Variants in CCNY observed in about 807,000 individuals in gnomAD.
The protein encoded by CCNY is cyclin Y.
In CCNY, 19 loss-of-function variants were observed where a neutral mutation model predicts 42.8. That is an observed-to-expected ratio of 0.44 (90% CI 0.31 to 0.65). CCNY has a LOEUF of 0.65. Among genes scored for constraint, CCNY ranks in the 30% least tolerant of loss-of-function variants. The pLI is 0.07. For synonymous variants in CCNY, 165 were observed against 162.7 expected (o/e 1.01, Z -0.11); for missense variants, 370 against 437.3 (o/e 0.85, Z 1.37).
At chr10:35,391,859 T>C (rs940884807) in intron 1 of CCNY, among the ~76,000 whole-genome samples, 3 of 152,192 alleles carry the variant, frequency 2.0e-5, no homozygotes, top group African/African-American at 7.2e-5. Context: ...ACCGTTCCTC[T>C]TCTTCCCTCT....
At chr10:35,565,299 C>T (rs1841547031) in intron 8 of CCNY, among the ~76,000 whole-genome samples, 1 of 152,138 alleles carries the variant, frequency 6.6e-6, no homozygotes, top group Admixed American at 6.5e-5. Context: ...AGAGCCTCAG[C>T]CTCACCATCA....
At chr10:35,561,909 G>A (rs1320321331) in intron 8 of CCNY, among the ~76,000 whole-genome samples, 1 of 152,254 alleles carries the variant, frequency 6.6e-6, no homozygotes, top group Non-Finnish European at 1.5e-5. Context: ...ACCAGCACCA[G>A]TCAGATGTTA....
intron 3 of CCNY, among the ~76,000 whole-genome samples, chr10:35,274,210 A>C (rs537488474): frequency 2.9e-4 from 44 of 152,306 alleles, no homozygotes; most frequent in Non-Finnish European, 2.9e-5. Flanking sequence ...ATGAGAACCA[A>C]GTGAAAGGGG....
At chr10:35,500,420 C>T (rs1280227190) in intron 2 of CCNY, among the ~76,000 whole-genome samples, 1 of 152,208 alleles carries the variant, frequency 6.6e-6, no homozygotes, top group Non-Finnish European at 1.5e-5. Context: ...GATAGAAAAA[C>T]AGTTCCATAG....
At position 35,337,003 on chromosome 10, in the gene CCNY, C is replaced by G; in HGVS notation, c.-51C>G. 7.4e-7 allele frequency: 1 copy of G among 1,360,484 alleles called. No individual in the cohort carries two copies. Among genetic ancestry groups the G allele is most frequent in the South Asian group, 1.9e-5 (1 of 52,916 alleles). 84.3% of individuals were successfully genotyped at this position (1,360,484 alleles called of 1,614,324 possible). A position where few individuals can be genotyped will look rare whatever the true frequency, so the allele number is the denominator to read the frequency against. On this transcript the variant is annotated 5_prime_UTR_variant, in exon 1 of 10. Transcript: ENST00000374704. The stretch of plus-strand genomic sequence containing the variant: ...GCCCCGCGTCCACCCGCGCCCCGCT[C>G]CCGGGGACTGGGAGAACAGGATAGC...
rs1159188784 is a variant in CCNY at position 35,419,942 on chromosome 10, T to G, written c.155-63462T>G. On this transcript the variant is annotated intron_variant, in intron 1 of 9. Transcript: ENST00000374704. Reference sequence around the variant, plus strand: ...GCTGTAATTTTTTTTTTTTTTTTTTTTAGTACAGTTCAAAATAAATGGTGC... The same window carrying G: ...GCTGTAATTTTTTTTTTTTTTTTTTGTAGTACAGTTCAAAATAAATGGTGC... Among the ~76,000 whole-genome samples the G allele has an allele frequency of 1.1e-4, 16 of 150,288 alleles. No individual in the cohort carries two copies. The East Asian group carries it at 3.1e-3, about 29-fold the overall frequency.
intron 2 of CCNY, among the ~76,000 whole-genome samples, chr10:35,499,298 CAGAGA>C (rs1364330184): frequency 6.6e-6 from 1 of 152,150 alleles, no homozygotes; most frequent in Non-Finnish European, 1.5e-5. Flanking sequence ...CACATCGCGG[CAGAGA>C]AGAGAAGAGG....
intron 1 of CCNY, among the ~76,000 whole-genome samples, chr10:35,480,054 C>A (rs1461681182): frequency 6.6e-6 from 1 of 151,932 alleles, no homozygotes; most frequent in Non-Finnish European, 1.5e-5. Context: ...ATTGTAATTA[C>A]CATAGTTTTC....
At chr10:35,544,604 G>A (rs1386748914) in intron 7 of CCNY, among the ~76,000 whole-genome samples, 1 of 152,204 alleles carries the variant, frequency 6.6e-6, no homozygotes, top group African/African-American at 2.4e-5. Flanking sequence ...ATTAGAGACA[G>A]CACCCAAGGT....
rs549910932 is a variant in CCNY at position 35,516,511 on chromosome 10, G to C, written c.265-12G>C. 1.3e-6 allele frequency: 2 copies of C among 1,594,006 alleles called. No individual in the cohort carries two copies. The highest frequency in any genetic ancestry group is 1.7e-6 in the Non-Finnish European group (2 of 1,162,112). On this transcript the variant is annotated splice_polypyrimidine_tract_variant and intron_variant, in intron 3 of 9. Transcript: ENST00000374704. ...GTGTAATTGCCTTAATCTTCTTGCT[G>C]TTGTTTTCTAGCATCCTCCAGGACA... is the stretch of plus-strand genomic sequence containing the variant.
intron 2 of CCNY, among the ~76,000 whole-genome samples, chr10:35,485,790 CATG>C (rs1168249185): frequency 2.0e-5 from 3 of 150,362 alleles, no homozygotes; most frequent in Non-Finnish European, 4.4e-5. Context: ...TCTTTAGTGA[CATG>C]ATAATCAGAG....
At chr10:35,427,063 A>T (rs943233862) in intron 1 of CCNY, among the ~76,000 whole-genome samples, 1 of 152,250 alleles carries the variant, frequency 6.6e-6, no homozygotes, top group African/African-American at 2.4e-5. Context: ...AGGAGAACTG[A>T]AATCCTTTTA....
chr10:35,261,003 T>C (rs1427302618), intron 3 of CCNY, among the ~76,000 whole-genome samples: 2 of 152,062 alleles, frequency 1.3e-5, no homozygotes, highest in Non-Finnish European at 2.9e-5. Flanking sequence ...CCTGGCTACA[T>C]GGGAGGCCAA....
At chr10:35,326,003 G>C (rs1166357424) in intron 3 of CCNY, among the ~76,000 whole-genome samples, 3 of 152,130 alleles carry the variant, frequency 2.0e-5, no homozygotes, top group African/African-American at 7.2e-5. Flanking sequence ...TTGAGCCCAG[G>C]AGTTCAAGGC....
intron 1 of CCNY, chr10:35,394,877 CTG>C: frequency 1.0e-6 from 1 of 983,212 alleles, no homozygotes; most frequent in Non-Finnish European, 1.2e-6. Flanking sequence ...CTTCTGAATA[CTG>C]TGAGTCTGTG....
Position 35,289,054 on chromosome 10 carries a change from G to A in CCNY, c.-9+38428G>A, listed in dbSNP as rs141955120. Among the ~76,000 whole-genome samples, 1,132 of 152,190 alleles carry A rather than the reference G, an allele frequency of 7.4e-3. 12 individuals are homozygous for A. Among genetic ancestry groups the A allele is most frequent in the African/African-American group, 0.026 (1,066 of 41,530 alleles). ...TTATGTCTTCTAGTTCATGAACATA[G>A]ATATCTCTCCATTTACTGAGGTTTT... On this transcript the variant is annotated intron_variant, in intron 3 of 11. Transcript: ENST00000374706.
At chr10:35,310,512 C>T (rs1215786045) in intron 3 of CCNY, among the ~76,000 whole-genome samples, 1 of 152,160 alleles carries the variant, frequency 6.6e-6, no homozygotes, top group Non-Finnish European at 1.5e-5. Flanking sequence ...TGTATTAACT[C>T]ACATTCTCAC....
intron 8 of CCNY, among the ~76,000 whole-genome samples, chr10:35,555,254 T>C (rs1057277377): frequency 4.6e-5 from 7 of 152,220 alleles, no homozygotes; most frequent in African/African-American, 1.4e-4. Context: ...CCAGTGACCA[T>C]TCATTATACA....
intron 3 of CCNY, among the ~76,000 whole-genome samples, chr10:35,512,440 A>C (rs1840342702): frequency 6.6e-6 from 1 of 152,224 alleles, no homozygotes; most frequent in African/African-American, 2.4e-5. Context: ...AGCAGAGTCC[A>C]CAAAGGGACT....
Sources: gnomAD v4.1 joint callset for allele counts (sites outside exome capture counted in the v4.1 genomes callset) on GRCh38, gnomAD v4.1.1 for gene constraint, MANE v1.5 for transcripts, NCBI Gene and HGNC (gene_info 2026-07-23, HGNC 2026-07-21) for gene names.